The following GABRA5 variants were observed in gnomAD, a reference collection of about 807,000 sequenced individuals.
The protein encoded by GABRA5 is gamma-aminobutyric acid type A receptor subunit alpha5.
GABRA5 carries 18 observed loss-of-function variants against 47.3 expected under a neutral mutation model. The observed-to-expected ratio is 0.38, with a 90% CI of 0.26 to 0.56. The LOEUF (loss-of-function observed/expected upper bound fraction) is 0.56. Ranked by LOEUF, GABRA5 falls within the 20% of genes least tolerant of loss-of-function variation. GABRA5 has a pLI of 0.71. For synonymous variants in GABRA5, 237 were observed against 229.3 expected (o/e 1.03, Z -0.30); for missense variants, 365 against 599.3 (o/e 0.61, Z 4.08).
intron 8 of GABRA5, 61 bp from the exon 9 acceptor site, chr15:26,939,864 C>G: frequency 6.3e-7 from 1 of 1,576,684 alleles, no homozygotes; most frequent in Non-Finnish European, 8.7e-7. Flanking sequence ...CTGGTGAACT[C>G]CTTGGATGCA....
At chr15:26,930,016 T>TTTTTTTTTTTG (rs566636317) in intron 7 of GABRA5, among the ~76,000 whole-genome samples, 97 of 128,450 alleles carry the variant, frequency 7.6e-4, no homozygotes, top group Admixed American at 3.6e-3. Flanking sequence ...CTTTTTTTTT[T>TTTTTTTTTTTG]TTTTTTGTTT....
intron 6 of GABRA5, among the ~76,000 whole-genome samples, chr15:26,895,395 T>C (rs1360203049): frequency 6.6e-6 from 1 of 152,142 alleles, no homozygotes; most frequent in Non-Finnish European, 1.5e-5. Context: ...CTGTGCAGGC[T>C]CTGCCACTAT....
chr15:26,925,887 G>A (rs1185583502), intron 7 of GABRA5, among the ~76,000 whole-genome samples: 2 of 152,160 alleles, frequency 1.3e-5, no homozygotes, highest in Non-Finnish European at 2.9e-5. Context: ...TGGTTCTCGC[G>A]CTGGAGTTGG....
At chr15:26,880,724 G>C in intron 3 of GABRA5, 122 bp from the exon 4 acceptor site, 1 of 954,676 alleles carries the variant, frequency 1.0e-6, no homozygotes, top group Non-Finnish European at 1.6e-6. Flanking sequence ...TATGGGAGCT[G>C]TGTTCTCAGA....
chr15:26,903,193 A>G (rs949796496), intron 6 of GABRA5, among the ~76,000 whole-genome samples: 1 of 152,074 alleles, frequency 6.6e-6, no homozygotes, highest in African/African-American at 2.4e-5. Context: ...TCCCACTTAT[A>G]AGTGAGAACA....
chr15:26,894,406 G>A (rs1352835934), intron 6 of GABRA5, among the ~76,000 whole-genome samples: 2 of 152,146 alleles, frequency 1.3e-5, no homozygotes, highest in African/African-American at 4.8e-5. Context: ...GGGTCCCCGG[G>A]TGAGATGGTG....
chr15:26,911,396 CA>C (rs1253964407), intron 6 of GABRA5, among the ~76,000 whole-genome samples: 1 of 127,824 alleles, frequency 7.8e-6, no homozygotes, highest in Non-Finnish European at 1.8e-5. Flanking sequence ...CACACACACA[CA>C]AACACACACA....
At chr15:26,874,628 A>G (rs181766363) in intron 3 of GABRA5, among the ~76,000 whole-genome samples, 1 of 152,330 alleles carries the variant, frequency 6.6e-6, no homozygotes, top group African/African-American at 2.4e-5. Context: ...CTGCAGCCCA[A>G]ATAAACTCCA....
At chr15:26,911,772 C>T (rs554822284) in intron 6 of GABRA5, among the ~76,000 whole-genome samples, 18 of 152,256 alleles carry the variant, frequency 1.2e-4, no homozygotes, top group African/African-American at 3.4e-4. Flanking sequence ...GGGGGTAACT[C>T]GGACTCTCCA....
At chr15:26,900,561 G>C (rs1893303523) in intron 6 of GABRA5, among the ~76,000 whole-genome samples, 1 of 152,058 alleles carries the variant, frequency 6.6e-6, no homozygotes, top group African/African-American at 2.4e-5. Flanking sequence ...TTTTGGAGCA[G>C]TTTTAGGTTT....
chr15:26,929,686 G>A (rs1158237506), intron 7 of GABRA5, among the ~76,000 whole-genome samples: 1 of 152,200 alleles, frequency 6.6e-6, no homozygotes, highest in South Asian at 2.1e-4. Flanking sequence ...ACCCCTGCTG[G>A]GGTGGCTGAG....
intron 6 of GABRA5, among the ~76,000 whole-genome samples, chr15:26,903,136 G>A (rs1206236299): frequency 2.0e-5 from 3 of 152,014 alleles, no homozygotes. Flanking sequence ...GAAGGCTCCA[G>A]TGTTTGCTGT....
At chr15:26,894,506 G>A (rs1893130180) in intron 6 of GABRA5, among the ~76,000 whole-genome samples, 1 of 152,102 alleles carries the variant, frequency 6.6e-6, no homozygotes, top group South Asian at 2.1e-4. Context: ...TTTCCGTGGC[G>A]TCAGATGGCT....
chr15:26,927,506 A>G (rs1893989950), intron 7 of GABRA5, among the ~76,000 whole-genome samples: 1 of 152,168 alleles, frequency 6.6e-6, no homozygotes, highest in Non-Finnish European at 1.5e-5. Flanking sequence ...AAACAATAAG[A>G]ATGATTTTAT....
chr15:26,892,138 G>T (rs1370899851), intron 6 of GABRA5, among the ~76,000 whole-genome samples: 1 of 152,238 alleles, frequency 6.6e-6, no homozygotes, highest in African/African-American at 2.4e-5. Context: ...AGTGTTTCCC[G>T]GTTGGCCCGG....
intron 7 of GABRA5, among the ~76,000 whole-genome samples, chr15:26,919,169 A>G (rs1893785834): frequency 6.6e-6 from 1 of 152,068 alleles, no homozygotes; most frequent in Non-Finnish European, 1.5e-5. Context: ...ACAAAAAAAG[A>G]GTCGGATCTT....
chr15:26,933,173 A>C (rs1176082856), intron 7 of GABRA5, among the ~76,000 whole-genome samples: 1 of 151,990 alleles, frequency 6.6e-6, no homozygotes, highest in Admixed American at 6.6e-5. Context: ...AAAAATCACT[A>C]TTTGTGGGGC....
In GABRA5 at chr15:26,885,774, G is replaced by A. The variant is rs1341105443; in HGVS notation, c.497+2217G>A. 3.3e-5 allele frequency among the ~76,000 whole-genome samples: 5 copies of A among 152,158 alleles called. 1 individual carries two copies. In the South Asian group the frequency reaches 6.2e-4, roughly 19 times the overall value. On this transcript the variant is annotated intron_variant, in intron 6 of 10. Coordinates refer to ENST00000335625, the MANE Select transcript of GABRA5 (RefSeq NM_000810.4). ...GAAGCGAGTGCAGTCTCAGCCCTGT[G>A]TGTAGACAGCAGGTGTGGAGACAGA... is the stretch of plus-strand genomic sequence containing the variant.
In GABRA5 at chr15:26,939,353, G is replaced by A. The variant is rs771906844; in HGVS notation, c.725-572G>A. On this transcript the variant is annotated intron_variant, in intron 8 of 10. Transcript: ENST00000335625. ...GGGGCATCGCCAATGAAATGCCCCC[G>A]ATTTCAAAGAACAGGCGACACCTCT... The A allele has an allele frequency of 3.7e-5, 28 of 765,282 alleles. No homozygotes were observed. Among genetic ancestry groups the A allele is most frequent in the East Asian group, 1.9e-4 (8 of 41,218 alleles). The allele number at this position is 765,282 out of a possible 1,614,324, so 47.4% of individuals were successfully genotyped here.
Sources: gnomAD v4.1 joint callset for allele counts (sites outside exome capture counted in the v4.1 genomes callset) on GRCh38, gnomAD v4.1.1 for gene constraint, MANE v1.5 for transcripts, NCBI Gene and HGNC (gene_info 2026-07-23, HGNC 2026-07-21) for gene names.